CYP20A1: variants seen among roughly 807,000 people sequenced by gnomAD.
The protein encoded by CYP20A1 is cytochrome P450 family 20 subfamily A member 1.
In CYP20A1, 61 loss-of-function variants were observed where a neutral mutation model predicts 61.4. The observed-to-expected ratio is 0.99, with a 90% confidence interval of 0.81 to 1.23. The LOEUF is 1.23. Ranked by LOEUF, CYP20A1 falls within the 50% of genes most tolerant of loss-of-function variation. The pLI, the probability that CYP20A1 is intolerant of heterozygous loss-of-function variation, is 0.00. For missense variants in CYP20A1, 530 were observed against 542.4 expected (o/e 0.98, Z 0.23); for synonymous variants, 193 against 188.2 (o/e 1.03, Z -0.21).
intron 4 of CYP20A1, among the ~76,000 whole-genome samples, chr2:203,259,325 A>T (rs1369997456): frequency 1.3e-5 from 2 of 152,156 alleles, no homozygotes; most frequent in Non-Finnish European, 2.9e-5. Context: ...TCTCATGTTG[A>T]ATTGTAATCC....
At chr2:203,240,692 C>G (rs1055744400) in intron 1 of CYP20A1, among the ~76,000 whole-genome samples, 2 of 152,080 alleles carry the variant, frequency 1.3e-5, no homozygotes, top group Admixed American at 6.6e-5. Context: ...GAGGGAGACA[C>G]GCCTGGTGTG....
chr2:203,240,593 A>T (rs1169059743), intron 1 of CYP20A1, among the ~76,000 whole-genome samples: 1 of 152,248 alleles, frequency 6.6e-6, no homozygotes, highest in Non-Finnish European at 1.5e-5. Context: ...ATACGGAGAC[A>T]TTTGAGTAGA....
chr2:203,280,923 C>T (rs1333665133), intron 8 of CYP20A1, among the ~76,000 whole-genome samples: 2 of 152,066 alleles, frequency 1.3e-5, no homozygotes, highest in Non-Finnish European at 2.9e-5. Context: ...CCTTTCCAAC[C>T]AAAACAGTGA....
intron 4 of CYP20A1, among the ~76,000 whole-genome samples, chr2:203,260,474 G>A (rs1449441298): frequency 3.9e-5 from 6 of 151,994 alleles, no homozygotes; most frequent in Admixed American, 6.6e-5. Context: ...CATCCGCTTC[G>A]GCCTCCCAAA....
chr2:203,288,934 T>G (rs1002795652), intron 9 of CYP20A1, among the ~76,000 whole-genome samples: 1 of 152,230 alleles, frequency 6.6e-6, no homozygotes, highest in African/African-American at 2.4e-5. Flanking sequence ...AGCATTTAAG[T>G]GAACTGACTC....
chr2:203,253,069 G>T (rs1331772748), intron 4 of CYP20A1, among the ~76,000 whole-genome samples: 1 of 151,910 alleles, frequency 6.6e-6, no homozygotes, highest in Non-Finnish European at 1.5e-5. Flanking sequence ...GTCCTGTGTT[G>T]GTTCGGGTGT....
Position 203,253,611 on chromosome 2 carries a change from C to G in CYP20A1, c.432+1502C>G, listed in dbSNP as rs1316482183. Among the ~76,000 whole-genome samples the G allele has an allele frequency of 4.6e-5, 7 of 152,150 alleles. No individual in the cohort carries two copies. In the East Asian group the frequency reaches 1.3e-3, roughly 29 times the overall value. ...CAGATTTACAGAAGCAAAACAAAAG[C>G]AGTTAATCATACAGTGACAGGTCAC... On this transcript the variant is annotated intron_variant, in intron 4 of 12. Transcript: ENST00000356079.
At chr2:203,256,438 C>G (rs1051559189) in intron 4 of CYP20A1, among the ~76,000 whole-genome samples, 13 of 152,168 alleles carry the variant, frequency 8.5e-5, no homozygotes, top group African/African-American at 2.9e-4. Flanking sequence ...TGGCATACTG[C>G]AACCTCTGCC....
At chr2:203,250,374 C>G (rs975499474) in intron 3 of CYP20A1, among the ~76,000 whole-genome samples, 1 of 152,032 alleles carries the variant, frequency 6.6e-6, no homozygotes, top group Non-Finnish European at 1.5e-5. Context: ...ATGGTTATCC[C>G]TTTTTTGTGG....
rs926758881 is a variant in CYP20A1 at position 203,305,868 on chromosome 2, C to A, written c.*8960C>A. Among the ~76,000 whole-genome samples, 49 of 152,174 alleles carry A rather than the reference C, an allele frequency of 3.2e-4. No homozygotes were observed. Among genetic ancestry groups the A allele is most frequent in the African/African-American group, 1.1e-3 (47 of 41,526 alleles). Reference sequence around the variant, plus strand: ...TAATAGTTTAAAAAAATTCAGAAGCCAAGCTATCCATAAAGCTACTTTGTG... The same window carrying A: ...TAATAGTTTAAAAAAATTCAGAAGCAAAGCTATCCATAAAGCTACTTTGTG... On this transcript the variant is annotated 3_prime_UTR_variant, in exon 13 of 13. Transcript: ENST00000356079.
chr2:203,272,794 GC>G (rs1559098592), intron 6 of CYP20A1, 46 bp downstream of exon 6: 3 of 1,171,216 alleles, frequency 2.6e-6, no homozygotes, highest in South Asian at 2.7e-5. Flanking sequence ...AAATAAATGT[GC>G]CCCAGTTTTA....
intron 4 of CYP20A1, among the ~76,000 whole-genome samples, chr2:203,252,924 G>A (rs2066748901): frequency 1.3e-5 from 2 of 152,080 alleles, no homozygotes; most frequent in Non-Finnish European, 2.9e-5. Flanking sequence ...AATTGGGGTG[G>A]TGAGAGTGGC....
rs544829436 is a variant in CYP20A1, at chr2:203,292,213, C to A, written c.1084-49C>A. 1.5e-5 allele frequency: 19 copies of A among 1,244,740 alleles called. No homozygotes were observed. The South Asian group carries it at 2.2e-4, about 14-fold the overall frequency. The allele number at this position is 1,244,740 out of a possible 1,614,324, so 77.1% of individuals were successfully genotyped here. On this transcript the variant is annotated intron_variant, in intron 10 of 12. Coordinates refer to ENST00000356079, the MANE Select transcript of CYP20A1 (RefSeq NM_177538.3). ...TGGAATAAGTTGACTTTCTAGGAGT[C>A]ATTTTATCTCTGTTAGTCCTTGACT...
intron 11 of CYP20A1, among the ~76,000 whole-genome samples, chr2:203,293,508 CTT>C (rs11408049): frequency 7.1e-6 from 1 of 140,934 alleles, no homozygotes; most frequent in Non-Finnish European, 1.5e-5. Context: ...CGCCCGGCCT[CTT>C]TTTTTTTTTT....
In CYP20A1 at chr2:203,254,539, A is replaced by G. The variant is rs2066821653; in HGVS notation, c.432+2430A>G. On this transcript the variant is annotated intron_variant, in intron 4 of 12. Transcript: ENST00000356079. The stretch of plus-strand genomic sequence containing the variant: ...ACTCCAGTCTGGGCGACAGAGCTAG[A>G]CTCGTCTCAAAAAAAAAAAAAAAAT... Among the ~76,000 whole-genome samples, 4 of 148,350 alleles carry G rather than the reference A, an allele frequency of 2.7e-5. No homozygotes were observed. In the South Asian group the frequency reaches 8.6e-4, roughly 32 times the overall value.
At chr2:203,245,945 A>G in intron 2 of CYP20A1, 50 bp downstream of exon 2, 2 of 1,215,190 alleles carry the variant, frequency 1.6e-6, no homozygotes. Flanking sequence ...TTCATTATTG[A>G]TATCAAGACT....
intron 4 of CYP20A1, among the ~76,000 whole-genome samples, chr2:203,254,122 A>C (rs950317812): frequency 6.6e-5 from 10 of 150,446 alleles, no homozygotes; most frequent in Admixed American, 5.3e-4. Context: ...CATTTTTTGT[A>C]TTTTTAGTAG....
Position 203,249,704 on chromosome 2 carries a change from G to A in CYP20A1, c.290-2263G>A, listed in dbSNP as rs534502034. ...TACTAAAAATACAAAAATTAGCTGA[G>A]CATGGTGGCAGATACCTGTAATCCC... On this transcript the variant is annotated intron_variant, in intron 3 of 12. Transcript: ENST00000356079. 5.3e-5 allele frequency among the ~76,000 whole-genome samples: 8 copies of A among 152,170 alleles called. No homozygotes were observed. The East Asian group carries it at 1.5e-3, about 29-fold the overall frequency.
intron 7 of CYP20A1, 131 bp downstream of exon 7, chr2:203,278,819 A>G (rs1234558351): frequency 7.3e-6 from 4 of 549,020 alleles, no homozygotes; most frequent in Non-Finnish European, 1.3e-5. Flanking sequence ...GATCAAGGCC[A>G]ACTTGGGCAA....
Sources: gnomAD v4.1 joint callset for allele counts (sites outside exome capture counted in the v4.1 genomes callset) on GRCh38, gnomAD v4.1.1 for gene constraint, MANE v1.5 for transcripts, NCBI Gene and HGNC (gene_info 2026-07-23, HGNC 2026-07-21) for gene names.